ANKRD30B: variants seen among roughly 807,000 people sequenced by gnomAD.
The protein encoded by ANKRD30B is ankyrin repeat domain-containing protein 30B.
A neutral mutation model predicts 202.2 loss-of-function variants in ANKRD30B; 144 were observed. That is an observed-to-expected ratio of 0.71 (90% CI 0.62 to 0.82). ANKRD30B has a LOEUF of 0.82. Among genes scored for constraint, ANKRD30B ranks in the 40% least tolerant of loss-of-function variants. ANKRD30B has a pLI of 0.00. For missense variants in ANKRD30B, 1,487 were observed against 1,669.1 expected (o/e 0.89, Z 1.90); for synonymous variants, 508 against 561.3 (o/e 0.91, Z 1.34).
At chr18:14,792,400 T>C (rs1968579688) in intron 16 of ANKRD30B, among the ~76,000 whole-genome samples, 1 of 151,976 alleles carries the variant, frequency 6.6e-6, no homozygotes, top group Non-Finnish European at 1.5e-5. Context: ...GGAATAGAAA[T>C]TGTAGACGGA....
chr18:14,858,905 C>T, downstream of ANKRD30B, among the ~76,000 whole-genome samples: 1 of 100,856 alleles, frequency 9.9e-6, no homozygotes, highest in East Asian at 2.7e-4. Flanking sequence ...TCCCCACTTC[C>T]CAGACGGGGC....
chr18:14,866,339 C>T, the ANKRD30B span, among the ~76,000 whole-genome samples: 8 of 151,864 alleles, frequency 5.3e-5, 1 homozygote, highest in Non-Finnish European at 5.9e-5. Context: ...AGGAGGGTGG[C>T]CTGAGTGGTA....
chr18:14,840,181 T>A (rs1971357339), intron 36 of ANKRD30B, among the ~76,000 whole-genome samples: 1 of 152,188 alleles, frequency 6.6e-6, no homozygotes, highest in East Asian at 1.9e-4. Context: ...AGTTAAAAAA[T>A]GTGTTTTAAA....
At chr18:14,872,777 A>G in the ANKRD30B span, among the ~76,000 whole-genome samples, 1 of 152,158 alleles carries the variant, frequency 6.6e-6, no homozygotes, top group Non-Finnish European at 1.5e-5. Flanking sequence ...GGCACTTCAC[A>G]TGAGACTGTG....
chr18:14,834,757 A>G (rs1971099447), intron 34 of ANKRD30B, among the ~76,000 whole-genome samples: 1 of 151,974 alleles, frequency 6.6e-6, no homozygotes, highest in Non-Finnish European at 1.5e-5. Context: ...GATTATGTGA[A>G]TGTATTAAGT....
rs181214398 is a variant in ANKRD30B at position 14,753,966 on chromosome 18, A to C, written c.511-933A>C. Among the ~76,000 whole-genome samples the C allele has an allele frequency of 3.1e-4, 47 of 152,296 alleles. No homozygotes were observed. In the East Asian group the frequency reaches 8.9e-3, roughly 29 times the overall value. On this transcript the variant is annotated intron_variant, in intron 3 of 43. Coordinates refer to ENST00000690538, the MANE Select transcript of ANKRD30B (RefSeq NM_001367607.2). ...AATTACAATAGCAACCAGAATAAAA[A>C]TGGATTATTGCATTTAAAGAAGTAG...
the ANKRD30B span, among the ~76,000 whole-genome samples, chr18:14,887,836 G>A: frequency 6.6e-6 from 1 of 151,252 alleles, no homozygotes; most frequent in Non-Finnish European, 1.5e-5. Context: ...GATTATTTGT[G>A]GGAAGAACAT....
chr18:14,867,622 C>G, the ANKRD30B span, among the ~76,000 whole-genome samples: 1 of 152,134 alleles, frequency 6.6e-6, no homozygotes, highest in South Asian at 2.1e-4. Flanking sequence ...ACCACGGGGG[C>G]TCAGGGTCCT....
intron 30 of ANKRD30B, among the ~76,000 whole-genome samples, chr18:14,821,692 G>A (rs983636678): frequency 3.9e-5 from 6 of 152,118 alleles, no homozygotes; most frequent in African/African-American, 7.2e-5. Flanking sequence ...TCCTGGACTC[G>A]AGAGATCCGC....
At chr18:14,771,071 A>T (rs1966972542) in intron 8 of ANKRD30B, among the ~76,000 whole-genome samples, 1 of 152,174 alleles carries the variant, frequency 6.6e-6, no homozygotes, top group Non-Finnish European at 1.5e-5. Flanking sequence ...GTCGTGGTTC[A>T]GTTGGGTTTT....
At chr18:14,843,553 C>CTCTGTGTGTG in intron 39 of ANKRD30B, among the ~76,000 whole-genome samples, 1 of 145,376 alleles carries the variant, frequency 6.9e-6, no homozygotes, top group South Asian at 2.3e-4. Flanking sequence ...AGCTTACTTT[C>CTCTGTGTGTG]TGTGTGTGTG....
At chr18:14,897,914 G>A in the ANKRD30B span, among the ~76,000 whole-genome samples, 1 of 152,158 alleles carries the variant, frequency 6.6e-6, no homozygotes, top group Non-Finnish European at 1.5e-5. Context: ...TCAAGCTCAT[G>A]AATAAACTCC....
chr18:14,748,624 A>G lies in ANKRD30B; in HGVS notation c.205A>G (p.Arg69Gly), dbSNP rs1384095144. 1 of 1,563,546 alleles carries G rather than the reference A, an allele frequency of 6.4e-7. No homozygotes were observed. Among genetic ancestry groups the G allele is most frequent in the Non-Finnish European group, 8.7e-7 (1 of 1,154,238 alleles). ...GAAGAAGCCCGTCAACCTGAACAAA[A>G]GAGATATGAAGAAGAGGTACCAGGC... Reference protein sequence around the residue: ...VGKKPVNLNKRDMKKRTALHW... With the variant: ...VGKKPVNLNKGDMKKRTALHW... Residue 69 changes from arginine to glycine, a missense_variant, in exon 1 of 44, where the codon AGA becomes GGA. By Grantham distance (125) the Arg-to-Gly change is moderately radical. Transcript: ENST00000690538.
In ANKRD30B at chr18:14,808,497, G is replaced by T. The variant is rs747435914; in HGVS notation, c.2285-54G>T. On this transcript the variant is annotated intron_variant, in intron 24 of 43. Transcript: ENST00000690538. ...CATATTCACATTGTACGAATGCTTG[G>T]TAGGCTTTGTCAGGCTTGCATATAA... is the stretch of plus-strand genomic sequence containing the variant. 9.7e-6 allele frequency: 13 copies of T among 1,341,388 alleles called. No individual in the cohort carries two copies. The African/African-American group carries it at 1.9e-4, about 20-fold the overall frequency. The allele number at this position is 1,341,388 out of a possible 1,614,324, so 83.1% of individuals were successfully genotyped here. A position where few individuals can be genotyped will look rare whatever the true frequency, so the allele number is the denominator to read the frequency against.
At chr18:14,786,976 T>C in intron 14 of ANKRD30B, 63 bp from the exon 15 acceptor site, 1 of 1,500,518 alleles carries the variant, frequency 6.7e-7, no homozygotes, top group African/African-American at 1.4e-5. Flanking sequence ...GACTTGTGTA[T>C]GTTTTTAAAA....
chr18:14,906,845 G>T, the ANKRD30B span, among the ~76,000 whole-genome samples: 2 of 138,380 alleles, frequency 1.4e-5, no homozygotes, highest in Middle Eastern at 4.1e-3. Flanking sequence ...GGAGACATGA[G>T]ACTTCAATCA....
chr18:14,865,990 G>C, the ANKRD30B span, among the ~76,000 whole-genome samples: 1 of 152,134 alleles, frequency 6.6e-6, no homozygotes, highest in Non-Finnish European at 1.5e-5. Context: ...AAGCCCGGAG[G>C]CCTACTCTGA....
At position 14,848,906 on chromosome 18, in the gene ANKRD30B, G is replaced by C. The variant is rs755850201; in HGVS notation, c.3372G>C (p.Trp1124Cys). 17 of 1,593,704 alleles carry C rather than the reference G, an allele frequency of 1.1e-5. No individual in the cohort carries two copies. In the South Asian group the frequency reaches 2.0e-4, roughly 18 times the overall value. ...KSQLENQKAK[W>C]EQELCSVRLT... ...AGTTAGAGAACCAAAAAGCTAAATG[G>C]GAACAAGAGCTCTGCAGTGTGAGGT... The change falls in exon 40 of 44, where the codon TGG becomes TGC. Residue 1124 changes from tryptophan (W) to cysteine (C), a missense_variant. Trp to Cys is a radical substitution (Grantham distance 215, BLOSUM62 -2). Transcript: ENST00000690538.
At chr18:14,763,096 T>C (rs9967482) in intron 6 of ANKRD30B, among the ~76,000 whole-genome samples, 2,183 of 152,192 alleles carry the variant, frequency 0.014, 62 homozygotes, top group African/African-American at 0.049. Flanking sequence ...ATTTTTCTTA[T>C]TATTATTATC....
Sources: allele counts gnomAD v4.1 joint callset (sites outside exome capture counted in the v4.1 genomes callset), GRCh38; gene constraint gnomAD v4.1.1; transcripts MANE v1.5; gene names NCBI Gene and HGNC (gene_info 2026-07-23, HGNC 2026-07-21).